Variants in PLPP1 observed in about 807,000 individuals in gnomAD.
The protein encoded by PLPP1 is phospholipid phosphatase 1, also known as lipid phosphate phosphohydrolase 1a.
In PLPP1, 24 loss-of-function variants were observed where a neutral mutation model predicts 31.2. The ratio of observed to expected loss-of-function variants is 0.77; its 90% CI spans 0.56 to 1.08. The LOEUF (loss-of-function observed/expected upper bound fraction) is 1.08. PLPP1 is among the 50% of genes least tolerant of loss of function. The probability of loss-of-function intolerance (pLI) is 0.00; values close to 1 mark genes in which losing one functional copy is unlikely to be tolerated. For synonymous variants in PLPP1, 146 were observed against 126.3 expected (o/e 1.16, Z -1.05); for missense variants, 319 against 342.7 (o/e 0.93, Z 0.55).
chr5:55,466,736 T>C (rs1579943398), intron 3 of PLPP1, among the ~76,000 whole-genome samples: 2 of 151,082 alleles, frequency 1.3e-5, no homozygotes, highest in South Asian at 4.2e-4. Context: ...AAAAAAAAAA[T>C]TGAAGCTATT....
intron 1 of PLPP1, among the ~76,000 whole-genome samples, chr5:55,524,063 A>T (rs1215802345): frequency 2.0e-5 from 3 of 152,222 alleles, no homozygotes; most frequent in Non-Finnish European, 4.4e-5. Context: ...AATAAATAAA[A>T]AATGATGCAA....
At chr5:55,427,049 T>TATG (rs1019775236) in intron 4 of PLPP1, among the ~76,000 whole-genome samples, 3 of 151,422 alleles carry the variant, frequency 2.0e-5, no homozygotes, top group African/African-American at 7.3e-5. Context: ...CTGAAGGTTT[T>TATG]ATGTAGAAAT....
intron 1 of PLPP1, among the ~76,000 whole-genome samples, chr5:55,502,506 CCAATA>C (rs1386156213): frequency 1.3e-5 from 2 of 151,968 alleles, no homozygotes. Context: ...AAAAAAATGT[CCAATA>C]CAATGTGTTG....
chr5:55,438,508 G>A (rs1435731330), intron 4 of PLPP1, among the ~76,000 whole-genome samples: 1 of 152,138 alleles, frequency 6.6e-6, no homozygotes, highest in Non-Finnish European at 1.5e-5. Flanking sequence ...AAATGACTAC[G>A]TCTCTACCCA....
rs1360972979 is a variant in PLPP1, at chr5:55,475,298, C to T, written c.210+1G>A. 6.3e-7 allele frequency: 1 copy of T among 1,597,746 alleles called. No individual in the cohort carries two copies. The highest frequency in any genetic ancestry group is 8.5e-7 in the Non-Finnish European group (1 of 1,174,896). ...AACTTGGAAAAGTGGATTTAACTTA[C>T]AACGATAATACTGAATGGAATGATT... On this transcript the variant is annotated splice_donor_variant, in intron 2 of 5. Transcript: ENST00000307259. LOFTEE classifies it high-confidence loss of function.
At chr5:55,512,520 G>GA (rs1489118449) in intron 1 of PLPP1, among the ~76,000 whole-genome samples, 1,274 of 7,266 alleles carry the variant, frequency 0.18, 88 homozygotes, top group African/African-American at 0.26. Flanking sequence ...AGAAAAGAAA[G>GA]AAAGAAAGAA....
At chr5:55,469,069 T>G (rs980003613) in intron 2 of PLPP1, among the ~76,000 whole-genome samples, 13 of 152,154 alleles carry the variant, frequency 8.5e-5, no homozygotes, top group African/African-American at 3.1e-4. Context: ...ATAAAAAGGT[T>G]TCCAATGCTT....
At chr5:55,522,934 G>A (rs1753703578) in intron 1 of PLPP1, among the ~76,000 whole-genome samples, 1 of 152,022 alleles carries the variant, frequency 6.6e-6, no homozygotes, top group African/African-American at 2.4e-5. Context: ...TAACCAGGAT[G>A]GTCTTGATCT....
chr5:55,472,749 G>C (rs1206819070), intron 2 of PLPP1, among the ~76,000 whole-genome samples: 1 of 5,164 alleles, frequency 1.9e-4, no homozygotes, highest in African/African-American at 3.1e-4. Context: ...AGAGGAAGAA[G>C]AGGAAGAGGA....
intron 2 of PLPP1, among the ~76,000 whole-genome samples, chr5:55,473,952 A>C (rs1409464855): frequency 6.6e-6 from 1 of 150,700 alleles, no homozygotes; most frequent in Non-Finnish European, 1.5e-5. Flanking sequence ...TACAGGCGTG[A>C]GCCACCACAT....
At chr5:55,487,282 C>T (rs570829385) in intron 1 of PLPP1, among the ~76,000 whole-genome samples, 32 of 151,660 alleles carry the variant, frequency 2.1e-4, no homozygotes, top group African/African-American at 7.5e-4. Context: ...AAAGTTTGTA[C>T]ATAAAAAGTC....
chr5:55,533,013 T>A (rs548613005), intron 1 of PLPP1, among the ~76,000 whole-genome samples: 1 of 150,636 alleles, frequency 6.6e-6, no homozygotes, highest in South Asian at 2.1e-4. Context: ...TAAACTTAAT[T>A]CCTAAAACTC....
intron 4 of PLPP1, among the ~76,000 whole-genome samples, chr5:55,426,595 T>TG (rs1751203351): frequency 1.3e-5 from 2 of 149,752 alleles, no homozygotes; most frequent in African/African-American, 2.5e-5. Context: ...TTTATAGAGA[T>TG]GGGGGTCTCA....
chr5:55,523,891 T>A (rs1753726123), intron 1 of PLPP1, among the ~76,000 whole-genome samples: 1 of 152,160 alleles, frequency 6.6e-6, no homozygotes. Flanking sequence ...GAGACTGCTA[T>A]CCCCAAAAGT....
intron 4 of PLPP1, among the ~76,000 whole-genome samples, chr5:55,432,227 G>A (rs1751376003): frequency 6.6e-6 from 1 of 151,534 alleles, no homozygotes; most frequent in South Asian, 2.1e-4. Flanking sequence ...ACCGGCATAA[G>A]CTACCATGCC....
chr5:55,473,530 C>G (rs1752467274), intron 2 of PLPP1, among the ~76,000 whole-genome samples: 1 of 151,998 alleles, frequency 6.6e-6, no homozygotes, highest in South Asian at 2.1e-4. Context: ...TAAGACATTT[C>G]TAAATTAAGA....
chr5:55,501,172 G>A (rs1753135503), intron 1 of PLPP1, among the ~76,000 whole-genome samples: 1 of 152,114 alleles, frequency 6.6e-6, no homozygotes, highest in Admixed American at 6.6e-5. Context: ...AATTAGCTGG[G>A]CACAGAGGCG....
At chr5:55,502,889 T>C (rs1753177064) in intron 1 of PLPP1, among the ~76,000 whole-genome samples, 1 of 152,172 alleles carries the variant, frequency 6.6e-6, no homozygotes, top group South Asian at 2.1e-4. Flanking sequence ...CACTGCTTCA[T>C]CCTTCAAATT....
chr5:55,501,372 G>A (rs1753141494), intron 1 of PLPP1, among the ~76,000 whole-genome samples: 1 of 152,038 alleles, frequency 6.6e-6, no homozygotes, highest in Non-Finnish European at 1.5e-5. Flanking sequence ...CTAACGTATA[G>A]CCTTTATGCC....
Sources: allele counts gnomAD v4.1 joint callset (sites outside exome capture counted in the v4.1 genomes callset), GRCh38; gene constraint gnomAD v4.1.1; transcripts MANE v1.5; gene names NCBI Gene and HGNC (gene_info 2026-07-23, HGNC 2026-07-21).